Variants in ARHGEF15 observed in about 807,000 individuals in gnomAD.
ARHGEF15 encodes the protein Rho guanine nucleotide exchange factor (GEF) 15.
Under a neutral mutation model 79.7 loss-of-function variants are expected in ARHGEF15, and 58 were observed. That is an observed-to-expected ratio of 0.73 (90% CI 0.59 to 0.91). The LOEUF (loss-of-function observed/expected upper bound fraction) is 0.91, where lower values mean the gene tolerates loss of function less well. Ranked by LOEUF, ARHGEF15 falls within the 40% of genes least tolerant of loss-of-function variation. ARHGEF15 has a pLI of 0.00. For missense variants in ARHGEF15, 1,012 were observed against 1,108.1 expected (o/e 0.91, Z 1.23); for synonymous variants, 442 against 456.0 (o/e 0.97, Z 0.39).
chr17:8,316,178 C>T (rs1905023164), intron 9 of ARHGEF15, 30 bp downstream of exon 9: 1 of 1,593,634 alleles, frequency 6.3e-7, no homozygotes. Context: ...CCGTTTCTGC[C>T]CCACCAACCC....
At position 8,318,996 on chromosome 17, in the gene ARHGEF15, T is replaced by A. The variant is rs531674955; in HGVS notation, c.2034-11T>A. The stretch of plus-strand genomic sequence containing the variant: ...CCTGCTGTCCTTCTGAACGACCTCA[T>A]CCCTGGGCAGTGGGCAGCGGTTACA... On this transcript the variant is annotated splice_polypyrimidine_tract_variant and intron_variant, in intron 12 of 15. Coordinates refer to ENST00000361926, the MANE Select transcript of ARHGEF15 (RefSeq NM_173728.4). The surrounding 1 kb of genome is among the most constrained non-coding windows in gnomAD (Gnocchi z 5.0). The A allele has an allele frequency of 5.6e-6, 9 of 1,612,886 alleles. No homozygotes were observed. The South Asian group carries it at 8.8e-5, about 16-fold the overall frequency.
rs1905349598 is a variant in ARHGEF15, at chr17:8,320,957, A to G, written c.2490A>G (p.Gly830=). The G allele has an allele frequency of 6.2e-7, 1 of 1,613,850 alleles. No individual in the cohort carries two copies. The highest frequency in any genetic ancestry group is 8.5e-7 in the Non-Finnish European group (1 of 1,179,932). Residue 830 remains glycine, a synonymous_variant, in exon 16 of 16, where the codon GGA becomes GGG. Coordinates refer to ENST00000361926, the MANE Select transcript of ARHGEF15 (RefSeq NM_173728.4). ...RQNQRLLEAV[G]SSSGTPNAPP... ...ACCAGAGGCTTCTCGAGGCTGTTGG[A>G]TCTTCTTCAGGCACCCCCAATGCCC...
Position 8,316,137 on chromosome 17 carries a change from A to C in ARHGEF15, c.1693A>C (p.Met565Leu). The change falls in exon 9 of 16, where the codon ATG becomes CTG. Residue 565 changes from methionine (M) to leucine (L), a missense_variant. By Grantham distance (15) the Met-to-Leu change is conservative. This residue lies in a region of ARHGEF15 where 818 missense variants were observed against 882.5 expected (regional missense o/e 0.93). Transcript: ENST00000361926. ...LPFQRITRLRMLLQNILRQTE... is the reference protein window; with the variant it reads ...LPFQRITRLRLLLQNILRQTE... Reference sequence around the variant, plus strand: ...CTTCCAGCGCATCACCCGGCTGCGCATGCTGCTGCAGGTACCTGTCCCAGC... The same window carrying C: ...CTTCCAGCGCATCACCCGGCTGCGCCTGCTGCTGCAGGTACCTGTCCCAGC... 1 of 1,602,556 alleles carries C rather than the reference A, an allele frequency of 6.2e-7. No homozygotes were observed. Among genetic ancestry groups the C allele is most frequent in the Non-Finnish European group, 8.5e-7 (1 of 1,179,236 alleles).
chr17:8,313,134 C>G lies in ARHGEF15; in HGVS notation c.814C>G (p.Arg272Gly). ...CACATCCTACCGCTCCACTGCTGAGCGCAAACTCCTGCCACTCCTCAAGCC... is the reference window on the plus strand; with the variant it reads ...CACATCCTACCGCTCCACTGCTGAGGGCAAACTCCTGCCACTCCTCAAGCC... ...VLTSYRSTAE[R>G]KLLPLLKPPK... Residue 272 changes from arginine to glycine, a missense_variant, in exon 3 of 16, where the codon CGC becomes GGC. Physicochemically the swap from Arg to Gly is moderately radical, Grantham distance 125 (BLOSUM62 -2). Coordinates refer to ENST00000361926, the MANE Select transcript of ARHGEF15 (RefSeq NM_173728.4). The G allele has an allele frequency of 1.2e-6, 2 of 1,613,228 alleles. No individual in the cohort carries two copies. Among genetic ancestry groups the G allele is most frequent in the South Asian group, 1.1e-5 (1 of 91,062 alleles).
rs1225057236 is a variant in ARHGEF15 at position 8,313,573 on chromosome 17, C to T, written c.989+18C>T. ...GAGGGGAGGTACTGAACACCCCCAC[C>T]CCTACTCCCTGGTTCTCTCCCCACC... On this transcript the variant is annotated intron_variant, in intron 4 of 15. Transcript: ENST00000361926. 3 of 1,608,030 alleles carry T rather than the reference C, an allele frequency of 1.9e-6. No homozygotes were observed. The African/African-American group carries it at 4.0e-5, about 22-fold the overall frequency.
At chr17:8,317,805 G>A (rs1905122641) in intron 9 of ARHGEF15, among the ~76,000 whole-genome samples, 1 of 152,202 alleles carries the variant, frequency 6.6e-6, no homozygotes, top group Admixed American at 6.5e-5. Flanking sequence ...GGTGGCTCAT[G>A]CCTGTAATCC....
In ARHGEF15 at chr17:8,315,699, C is replaced by G. The variant is rs1054197363; in HGVS notation, c.1422-56C>G. ...TAGTTCCCAAACCTTCTCTCAAGAA[C>G]CCGGGAGACCTGGCTCTCTGCCCCG... On this transcript the variant is annotated intron_variant, in intron 7 of 15. Transcript: ENST00000361926. This position sits in a 1 kb window ranked among gnomAD's most constrained non-coding sequence, Gnocchi z 4.3. 2 of 1,594,594 alleles carry G rather than the reference C, an allele frequency of 1.3e-6. No homozygotes were observed. Among genetic ancestry groups the G allele is most frequent in the East Asian group, 4.5e-5 (2 of 44,680 alleles).
At chr17:8,316,973 G>A (rs866007106) in intron 9 of ARHGEF15, among the ~76,000 whole-genome samples, 2 of 152,062 alleles carry the variant, frequency 1.3e-5, no homozygotes, top group African/African-American at 4.8e-5. Flanking sequence ...AGTAGAGATG[G>A]GGTTTCACCA....
At chr17:8,319,743 C>T in intron 15 of ARHGEF15, 140 bp downstream of exon 15, 1 of 610,606 alleles carries the variant, frequency 1.6e-6, no homozygotes. Flanking sequence ...TCAAGGGATT[C>T]TCCTGCCTCA....
At chr17:8,314,318 T>C (rs1431553108) in intron 4 of ARHGEF15, among the ~76,000 whole-genome samples, 1 of 152,202 alleles carries the variant, frequency 6.6e-6, no homozygotes, top group African/African-American at 2.4e-5. Context: ...TGTCCATTCA[T>C]TTATTCAACA....
At chr17:8,314,653 C>T (rs1211649158) in intron 4 of ARHGEF15, among the ~76,000 whole-genome samples, 1 of 148,964 alleles carries the variant, frequency 6.7e-6, no homozygotes, top group African/African-American at 2.5e-5. Flanking sequence ...GTAATCCTGA[C>T]ACTTTGTGAG....
In ARHGEF15 at chr17:8,311,916, C is replaced by G. The variant is rs1904645549; in HGVS notation, c.-49-75C>G. 1.3e-5 allele frequency: 14 copies of G among 1,042,304 alleles called. No homozygotes were observed. In the East Asian group the frequency reaches 4.0e-4, roughly 30 times the overall value. 64.6% of individuals were successfully genotyped at this position (1,042,304 alleles called of 1,614,324 possible). On this transcript the variant is annotated intron_variant, in intron 1 of 15. Coordinates refer to ENST00000361926, the MANE Select transcript of ARHGEF15 (RefSeq NM_173728.4). The stretch of plus-strand genomic sequence containing the variant: ...AGCCTTCCCTCCTGACTTCAAAATC[C>G]TGCCTTCCAGTGGCCCCAGTTTACC...
At chr17:8,320,163 A>G (rs1426816253) in intron 15 of ARHGEF15, among the ~76,000 whole-genome samples, 1 of 152,324 alleles carries the variant, frequency 6.6e-6, no homozygotes, top group East Asian at 1.9e-4. Flanking sequence ...AATCAAATAT[A>G]TCACACTTCC....
chr17:8,313,780 A>G, intron 4 of ARHGEF15: 1 of 428,402 alleles, frequency 2.3e-6, no homozygotes, highest in Admixed American at 4.1e-5. Context: ...CTGTAATCCC[A>G]GCACTCTGGG....
intron 9 of ARHGEF15, among the ~76,000 whole-genome samples, chr17:8,316,735 CG>C (rs1242475702): frequency 3.9e-5 from 6 of 151,938 alleles, no homozygotes; most frequent in Admixed American, 1.3e-4. Flanking sequence ...TGGGGTGATA[CG>C]GGGGAAAAAA....
Position 8,318,328 on chromosome 17 carries a change from C to A in ARHGEF15, c.1705-59C>A. On this transcript the variant is annotated intron_variant, in intron 9 of 15. Coordinates refer to ENST00000361926, the MANE Select transcript of ARHGEF15 (RefSeq NM_173728.4). The surrounding 1 kb of genome is among the most constrained non-coding windows in gnomAD (Gnocchi z 5.0). ...AGACAGGGTCCTCTGAGCTGTGGCC[C>A]CTCTGAATCCCAGGGCCACAGAGCA... 2 of 1,534,936 alleles carry A rather than the reference C, an allele frequency of 1.3e-6. No homozygotes were observed. Among genetic ancestry groups the A allele is most frequent in the Non-Finnish European group, 8.9e-7 (1 of 1,122,996 alleles).
intron 1 of ARHGEF15, among the ~76,000 whole-genome samples, chr17:8,311,716 T>G (rs1353635877): frequency 7.0e-6 from 1 of 143,192 alleles, no homozygotes; most frequent in African/African-American, 2.6e-5. Flanking sequence ...ACTCTCCCCC[T>G]GCACACCCAC....
At chr17:8,320,467 C>G (rs935774092) in intron 15 of ARHGEF15, among the ~76,000 whole-genome samples, 1 of 151,934 alleles carries the variant, frequency 6.6e-6, no homozygotes. Context: ...AAAGGCCCTG[C>G]GGCTGGTGTG....
In ARHGEF15 at chr17:8,315,691, C is replaced by T. The variant is rs1423767410; in HGVS notation, c.1422-64C>T. ...GACCCAGTTAGTTCCCAAACCTTCT[C>T]TCAAGAACCCGGGAGACCTGGCTCT... On this transcript the variant is annotated intron_variant, in intron 7 of 15. Coordinates refer to ENST00000361926, the MANE Select transcript of ARHGEF15 (RefSeq NM_173728.4). This position sits in a 1 kb window ranked among gnomAD's most constrained non-coding sequence, Gnocchi z 4.3. 5 of 1,592,438 alleles carry T rather than the reference C, an allele frequency of 3.1e-6. No homozygotes were observed. In the South Asian group the frequency reaches 3.4e-5, roughly 11 times the overall value.
Sources: allele counts gnomAD v4.1 joint callset (sites outside exome capture counted in the v4.1 genomes callset), GRCh38; gene constraint gnomAD v4.1.1; regional missense constraint gnomAD v4.1.1; non-coding constraint Gnocchi (gnomAD v3.1); transcripts MANE v1.5; gene names NCBI Gene and HGNC (gene_info 2026-07-23, HGNC 2026-07-21).